Variants in RAB3GAP1 observed in about 807,000 individuals in gnomAD.
RAB3GAP1 encodes RAB3 GTPase activating protein catalytic subunit 1.
Under a neutral mutation model 130.7 loss-of-function variants are expected in RAB3GAP1, and 86 were observed. The ratio of observed to expected loss-of-function variants is 0.66; its 90% CI spans 0.55 to 0.79. The LOEUF is 0.79. Among genes scored for constraint, RAB3GAP1 ranks in the 30% least tolerant of loss-of-function variants. The pLI is 0.00. For missense variants in RAB3GAP1, 1,029 were observed against 1,169.4 expected (o/e 0.88, Z 1.75); for synonymous variants, 367 against 401.7 (o/e 0.91, Z 1.03).
In RAB3GAP1 at chr2:135,168,767, A is replaced by G; in HGVS notation, c.2932A>G (p.Thr978Ala). Residue 978 changes from threonine to alanine, a missense_variant, in exon 24 of 24, where the codon ACT (threonine) becomes GCT (alanine). Around this residue, in one of 3 missense-constraint regions of RAB3GAP1, gnomAD observed 146 missense variants for 143.7 expected, o/e 1.02. Coordinates refer to ENST00000264158, the MANE Select transcript of RAB3GAP1 (RefSeq NM_012233.3). ...ACTTGCAGGTGCCTTTTCATCAGAT[A>G]CTTCCTTCTTCTGATTCTTCTAGCA... ...FRLAGAFSSD[T>A]SFF 6.2e-7 allele frequency: 1 copy of G among 1,611,506 alleles called. No individual in the cohort carries two copies. Among genetic ancestry groups the G allele is most frequent in the East Asian group, 2.2e-5 (1 of 44,866 alleles).
intron 3 of RAB3GAP1, among the ~76,000 whole-genome samples, chr2:135,072,502 T>A (rs2104844098): frequency 6.6e-6 from 1 of 152,326 alleles, no homozygotes; most frequent in African/African-American, 2.4e-5. Context: ...GATGAAAAAG[T>A]GTTTGAATTT....
At chr2:135,080,356 A>G (rs1424470140) in intron 3 of RAB3GAP1, among the ~76,000 whole-genome samples, 1 of 152,210 alleles carries the variant, frequency 6.6e-6, no homozygotes, top group African/African-American at 2.4e-5. Flanking sequence ...CTGGATATAC[A>G]TAAATGTGAT....
Position 135,052,313 on chromosome 2 carries a change from T to C in RAB3GAP1, c.6T>C (p.Ala2=), listed in dbSNP as rs918030335. 1.2e-6 allele frequency: 2 copies of C among 1,613,840 alleles called. No homozygotes were observed. The highest frequency in any genetic ancestry group is 1.3e-5 in the African/African-American group (1 of 75,050). ...CAGGCCCGGCGCTCCTCAAGATGGC[T>C]GCCGACAGTGAGGTGATTTCTTTGC... The part of the protein sequence containing the change: M[A]ADSEPESEVF... Residue 2 remains alanine (A), a synonymous_variant, in exon 1 of 24, where the codon GCT becomes GCC. Transcript: ENST00000264158.
intron 6 of RAB3GAP1, among the ~76,000 whole-genome samples, chr2:135,114,675 T>C (rs978774728): frequency 6.6e-6 from 1 of 152,240 alleles, no homozygotes; most frequent in Non-Finnish European, 1.5e-5. Context: ...TTAATATACA[T>C]TGTTGAGTCA....
At chr2:135,109,325 ATG>A (rs1412834262) in intron 5 of RAB3GAP1, among the ~76,000 whole-genome samples, 1 of 151,576 alleles carries the variant, frequency 6.6e-6, no homozygotes, top group South Asian at 2.1e-4. Context: ...TTTCTTTATT[ATG>A]TGTGTGTGTG....
intron 6 of RAB3GAP1, among the ~76,000 whole-genome samples, chr2:135,113,784 G>A (rs1327387678): frequency 1.3e-5 from 2 of 151,624 alleles, no homozygotes; most frequent in African/African-American, 4.9e-5. Context: ...CTGTTGCCCA[G>A]GCTGGAGTGC....
chr2:135,133,654 T>G (rs1349197339), intron 14 of RAB3GAP1, among the ~76,000 whole-genome samples: 2 of 152,178 alleles, frequency 1.3e-5, no homozygotes, highest in African/African-American at 4.8e-5. Context: ...AACTATAGCT[T>G]TATCTTTTTT....
chr2:135,081,361 TACAC>T (rs1553440427), intron 3 of RAB3GAP1, among the ~76,000 whole-genome samples: 3,183 of 69,842 alleles, frequency 0.046, 160 homozygotes, highest in African/African-American at 0.11. Context: ...TATATATATA[TACAC>T]ACACGTGTGT....
At chr2:135,131,509 C>T (rs1021250217) in intron 13 of RAB3GAP1, among the ~76,000 whole-genome samples, 13 of 152,162 alleles carry the variant, frequency 8.5e-5, no homozygotes, top group Non-Finnish European at 1.3e-4. Flanking sequence ...GGATTACAGG[C>T]GTGAGCCACC....
intron 5 of RAB3GAP1, 139 bp from the exon 6 acceptor site, chr2:135,113,012 G>T: frequency 8.8e-7 from 1 of 1,140,448 alleles, no homozygotes; most frequent in Non-Finnish European, 1.3e-6. Flanking sequence ...TGTAGGTTCT[G>T]TTGCCATTAA....
intron 5 of RAB3GAP1, among the ~76,000 whole-genome samples, chr2:135,109,976 TA>T (rs1690751072): frequency 6.6e-6 from 1 of 152,108 alleles, no homozygotes; most frequent in Non-Finnish European, 1.5e-5. Flanking sequence ...GATTTTCGCT[TA>T]TTTTTTTTTT....
chr2:135,154,537 C>T (rs1692258070), intron 19 of RAB3GAP1, among the ~76,000 whole-genome samples: 1 of 152,110 alleles, frequency 6.6e-6, no homozygotes, highest in Non-Finnish European at 1.5e-5. Context: ...AAGCCAAATT[C>T]CAGTGGAGCT....
At chr2:135,158,222 G>C (rs756512455) in intron 19 of RAB3GAP1, among the ~76,000 whole-genome samples, 1 of 152,152 alleles carries the variant, frequency 6.6e-6, no homozygotes, top group African/African-American at 2.4e-5. Context: ...ATAGCAGTGA[G>C]CACACATAGC....
rs368209526 is a variant in RAB3GAP1, at chr2:135,104,889, AAAAC to A, written c.363-8246_363-8243del. ...GGGCAACAGAGCGAAACTCCATCTC[AAAAC>A]AAACAAACAAACAAAAAAACAAATG... On this transcript the variant is annotated intron_variant, in intron 5 of 23. Transcript: ENST00000264158. 7.2e-3 allele frequency among the ~76,000 whole-genome samples: 1,101 copies of A among 152,120 alleles called. 10 individuals carry two copies. Among genetic ancestry groups the A allele is most frequent in the African/African-American group, 0.024 (985 of 41,520 alleles).
At chr2:135,155,261 C>T (rs529288894) in intron 19 of RAB3GAP1, among the ~76,000 whole-genome samples, 1 of 151,894 alleles carries the variant, frequency 6.6e-6, no homozygotes, top group East Asian at 1.9e-4. Flanking sequence ...AAAATGAAGA[C>T]TAAATTACAA....
At chr2:135,090,461 A>G (rs781354627) in intron 3 of RAB3GAP1, among the ~76,000 whole-genome samples, 36 of 152,136 alleles carry the variant, frequency 2.4e-4, no homozygotes, top group African/African-American at 7.5e-4. Context: ...GCTCTGTGGG[A>G]AAAATCCTTT....
Position 135,052,497 on chromosome 2 carries a change from G to C in RAB3GAP1, c.74+12G>C. 1 of 1,613,164 alleles carries C rather than the reference G, an allele frequency of 6.2e-7. No individual in the cohort carries two copies. The highest frequency in any genetic ancestry group is 2.2e-5 in the East Asian group (1 of 44,876). ...TCGGAATGGGAAAGGTGAGTGAATC[G>C]CATTTTTGGTTACCAGCTCCCATGG... On this transcript the variant is annotated intron_variant, in intron 2 of 23. Coordinates refer to ENST00000264158, the MANE Select transcript of RAB3GAP1 (RefSeq NM_012233.3).
At chr2:135,065,801 T>G (rs1689304196) in intron 3 of RAB3GAP1, among the ~76,000 whole-genome samples, 1 of 144,470 alleles carries the variant, frequency 6.9e-6, no homozygotes, top group South Asian at 2.2e-4. Context: ...AGACGGAGTC[T>G]CACTCTGTCA....
intron 5 of RAB3GAP1, among the ~76,000 whole-genome samples, chr2:135,107,706 G>C (rs1423174403): frequency 6.6e-6 from 1 of 152,090 alleles, no homozygotes; most frequent in East Asian, 1.9e-4. Flanking sequence ...TAAGTGGTAT[G>C]GCTGGGTGCG....
Sources: allele counts gnomAD v4.1 joint callset (sites outside exome capture counted in the v4.1 genomes callset), GRCh38; gene constraint gnomAD v4.1.1; regional missense constraint gnomAD v4.1.1; transcripts MANE v1.5; gene names NCBI Gene and HGNC (gene_info 2026-07-23, HGNC 2026-07-21).